IQCM: variants seen among roughly 807,000 people sequenced by gnomAD.
The protein encoded by IQCM is IQ domain-containing protein M.
Under a neutral mutation model 57.6 loss-of-function variants are expected in IQCM, and 45 were observed. That is an observed-to-expected ratio of 0.78 (90% CI 0.62 to 1.00). The LOEUF is 1.00. Among genes scored for constraint, IQCM ranks in the 50% least tolerant of loss-of-function variants. IQCM has a pLI of 0.00. For synonymous variants in IQCM, 148 were observed against 158.9 expected, an observed-to-expected ratio of 0.93 and a Z score of 0.51; for missense variants, 468 against 511.6, an observed-to-expected ratio of 0.91 and a Z score of 0.82.
chr4:149,617,023 T>C (rs1436848930), intron 8 of IQCM, among the ~76,000 whole-genome samples: 2 of 151,432 alleles, frequency 1.3e-5, no homozygotes, highest in Admixed American at 1.3e-4. Context: ...AATGGTGCAA[T>C]CTCAGCACCA....
chr4:149,520,926 C>A (rs998818598), intron 12 of IQCM, among the ~76,000 whole-genome samples: 1 of 152,128 alleles, frequency 6.6e-6, no homozygotes, highest in Non-Finnish European at 1.5e-5. Context: ...CAGCCTCTCT[C>A]GCTGCTCTGC....
At chr4:149,730,571 T>C (rs1268010112) in intron 5 of IQCM, among the ~76,000 whole-genome samples, 1 of 152,190 alleles carries the variant, frequency 6.6e-6, no homozygotes, top group Admixed American at 6.5e-5. Context: ...ATAATCACTT[T>C]CTCAGAGATC....
chr4:149,717,928 A>G (rs555683475), intron 5 of IQCM, among the ~76,000 whole-genome samples: 263 of 152,342 alleles, frequency 1.7e-3, no homozygotes, highest in African/African-American at 5.2e-3. Context: ...TGCTATTGGC[A>G]AATCCCCGGT....
intron 13 of IQCM, among the ~76,000 whole-genome samples, chr4:149,369,178 G>A (rs757884821): frequency 6.6e-6 from 1 of 150,810 alleles, no homozygotes; most frequent in Non-Finnish European, 1.5e-5. Context: ...CCGAGTAGCT[G>A]GGATTATAGG....
intron 7 of IQCM, among the ~76,000 whole-genome samples, chr4:149,642,228 T>C (rs966447356): frequency 1.3e-5 from 2 of 152,160 alleles, no homozygotes; most frequent in African/African-American, 4.8e-5. Flanking sequence ...AGAATTATAG[T>C]ATATTTTGCC....
chr4:149,803,066 C>T (rs1773749209), intron 2 of IQCM, among the ~76,000 whole-genome samples: 1 of 151,910 alleles, frequency 6.6e-6, no homozygotes, highest in Non-Finnish European at 1.5e-5. Context: ...CAGTAACTTG[C>T]CCATGATCCA....
intron 12 of IQCM, among the ~76,000 whole-genome samples, chr4:149,468,348 G>A (rs1473501579): frequency 6.6e-6 from 1 of 152,170 alleles, no homozygotes; most frequent in Admixed American, 6.5e-5. Context: ...TAGCTCAGAG[G>A]GTCCCACACC....
At chr4:149,721,519 G>A in intron 5 of IQCM, among the ~76,000 whole-genome samples, 1 of 152,146 alleles carries the variant, frequency 6.6e-6, no homozygotes, top group South Asian at 2.1e-4. Flanking sequence ...GCTTAGCTCA[G>A]GCTTATAAGT....
chr4:149,406,734 T>C (rs1188902562), intron 13 of IQCM, among the ~76,000 whole-genome samples: 2 of 152,206 alleles, frequency 1.3e-5, no homozygotes, highest in Non-Finnish European at 2.9e-5. Flanking sequence ...TTTCAATGTT[T>C]TCTACTAAGA....
intron 7 of IQCM, among the ~76,000 whole-genome samples, chr4:149,636,237 G>A (rs1194503405): frequency 6.6e-6 from 1 of 152,190 alleles, no homozygotes; most frequent in African/African-American, 2.4e-5. Context: ...GCAGACCAAA[G>A]AGGAAGAGAT....
At chr4:149,361,744 C>T (rs923916658) in intron 13 of IQCM, among the ~76,000 whole-genome samples, 1 of 152,116 alleles carries the variant, frequency 6.6e-6, no homozygotes, top group Admixed American at 6.5e-5. Flanking sequence ...GGGGTGGGGC[C>T]CTCACGGAGA....
At chr4:149,577,150 G>A (rs1420524748) in intron 9 of IQCM, among the ~76,000 whole-genome samples, 1 of 151,922 alleles carries the variant, frequency 6.6e-6, no homozygotes, top group African/African-American at 2.4e-5. Flanking sequence ...CAGATGCATA[G>A]TTTGCAAACA....
intron 12 of IQCM, among the ~76,000 whole-genome samples, chr4:149,545,705 G>C (rs1392185847): frequency 6.6e-6 from 1 of 151,806 alleles, no homozygotes; most frequent in Non-Finnish European, 1.5e-5. Context: ...CCAAATAAAT[G>C]AAATCAGTTT....
chr4:149,392,076 G>A (rs757609085), intron 13 of IQCM, among the ~76,000 whole-genome samples: 2 of 149,788 alleles, frequency 1.3e-5, no homozygotes, highest in Admixed American at 6.7e-5. Flanking sequence ...GAAATTGAAG[G>A]CTCCAAATAT....
At chr4:149,607,543 C>G (rs1365587859) in intron 8 of IQCM, among the ~76,000 whole-genome samples, 3 of 151,708 alleles carry the variant, frequency 2.0e-5, no homozygotes, top group Non-Finnish European at 4.4e-5. Flanking sequence ...AGTAGAAAAA[C>G]TAAAAGACAA....
At chr4:149,414,461 A>G (rs1733603993) in intron 13 of IQCM, among the ~76,000 whole-genome samples, 1 of 152,140 alleles carries the variant, frequency 6.6e-6, no homozygotes, top group Non-Finnish European at 1.5e-5. Flanking sequence ...TCCCACTATG[A>G]GAGAAAAGCA....
At chr4:149,500,693 G>A (rs994725539) in intron 12 of IQCM, among the ~76,000 whole-genome samples, 1 of 152,146 alleles carries the variant, frequency 6.6e-6, no homozygotes, top group Non-Finnish European at 1.5e-5. Flanking sequence ...CAGATGGCTT[G>A]TATATATTTA....
At chr4:149,808,831 T>C (rs191889600) in intron 2 of IQCM, among the ~76,000 whole-genome samples, 3 of 152,308 alleles carry the variant, frequency 2.0e-5, no homozygotes, top group Admixed American at 6.5e-5. Flanking sequence ...CTGTAGTATC[T>C]AAGTTTTGTG....
At position 149,548,534 on chromosome 4, in the gene IQCM, C is replaced by G. The variant is rs562441418; in HGVS notation, c.1149G>C (p.Glu383Asp). 5.0e-5 allele frequency: 62 copies of G among 1,231,248 alleles called. No homozygotes were observed. In the African/African-American group the frequency reaches 8.2e-4, roughly 16 times the overall value. The allele number at this position is 1,231,248 out of a possible 1,614,324, so 76.3% of individuals were successfully genotyped here. The change falls in exon 12 of 14, where the codon GAG (glutamate) becomes GAC (aspartate). Residue 383 changes from glutamate to aspartate, a missense_variant. Physicochemically the swap from Glu to Asp is conservative, Grantham distance 45. Coordinates refer to ENST00000636793, the MANE Select transcript of IQCM (RefSeq NM_001363507.2). Reference sequence around the variant, plus strand: ...CACAGTCACTGAAGAAATTGGGGAGCTCATTTCTTTCAATTTTTGGCCAAT... The same window carrying G: ...CACAGTCACTGAAGAAATTGGGGAGGTCATTTCTTTCAATTTTTGGCCAAT... Reference protein sequence around the residue: ...REDWPKIERNELPNFFSDCGH... With the variant: ...REDWPKIERNDLPNFFSDCGH...
Sources: gnomAD v4.1 joint callset for allele counts (sites outside exome capture counted in the v4.1 genomes callset) on GRCh38, gnomAD v4.1.1 for gene constraint, MANE v1.5 for transcripts, NCBI Gene and HGNC (gene_info 2026-07-23, HGNC 2026-07-21) for gene names.